MYRIP: variants seen among roughly 807,000 people sequenced by gnomAD.
MYRIP encodes rab effector MyRIP.
A neutral mutation model predicts 98.0 loss-of-function variants in MYRIP; 49 were observed. The ratio of observed to expected loss-of-function variants is 0.50; its 90% CI spans 0.40 to 0.63. MYRIP has a LOEUF of 0.63. Ranked by LOEUF, MYRIP falls within the 30% of genes least tolerant of loss-of-function variation. The pLI is 0.00. For synonymous variants in MYRIP, 404 were observed against 409.5 expected (o/e 0.99, Z 0.16); for missense variants, 1,004 against 1,058.2 (o/e 0.95, Z 0.71).
In MYRIP at chr3:39,985,859, A is replaced by G. The variant is rs976291327; in HGVS notation, c.111-58191A>G. 2.2e-4 allele frequency among the ~76,000 whole-genome samples: 33 copies of G among 151,770 alleles called. 1 individual carries two copies. Among genetic ancestry groups the G allele is most frequent in the African/African-American group, 8.0e-4 (33 of 41,072 alleles). ...AGACCTAAAACCATAAAAACCCTAG[A>G]AGAAAACCTAGGCATTACCATTCAG... On this transcript the variant is annotated intron_variant, in intron 2 of 16. Transcript: ENST00000302541.
chr3:40,118,759 C>T (rs968857597), intron 3 of MYRIP, among the ~76,000 whole-genome samples: 9 of 151,936 alleles, frequency 5.9e-5, no homozygotes, highest in East Asian at 1.9e-4. Context: ...CCCCTCCTCC[C>T]GCCCCACAAC....
intron 2 of MYRIP, among the ~76,000 whole-genome samples, chr3:39,911,799 G>T (rs890108524): frequency 6.6e-6 from 1 of 152,176 alleles, no homozygotes; most frequent in African/African-American, 2.4e-5. Flanking sequence ...CAACTTACTT[G>T]TTCTCACAGG....
chr3:40,177,589 C>A (rs556274442), intron 8 of MYRIP, among the ~76,000 whole-genome samples: 2 of 152,302 alleles, frequency 1.3e-5, no homozygotes, highest in South Asian at 4.1e-4. Context: ...AGGTTCAGTG[C>A]GAATGCTCCA....
At chr3:40,228,088 A>G (rs1235042354) in intron 11 of MYRIP, among the ~76,000 whole-genome samples, 4 of 152,142 alleles carry the variant, frequency 2.6e-5, no homozygotes, top group Non-Finnish European at 5.9e-5. Context: ...GGGATCTGCC[A>G]TGTATTCATG....
intron 2 of MYRIP, among the ~76,000 whole-genome samples, chr3:39,957,590 C>G (rs1945201296): frequency 6.6e-6 from 1 of 152,122 alleles, no homozygotes; most frequent in Admixed American, 6.6e-5. Context: ...AGGGCAAAAA[C>G]TGGAAGCATT....
intron 3 of MYRIP, among the ~76,000 whole-genome samples, chr3:40,048,983 T>C (rs1409101396): frequency 1.3e-5 from 2 of 152,198 alleles, no homozygotes; most frequent in Admixed American, 6.5e-5. Context: ...TAAAGACATA[T>C]AGTACTTGTA....
At chr3:40,098,740 T>TTGTGCGTGTGTGTGTG (rs746213546) in intron 3 of MYRIP, among the ~76,000 whole-genome samples, 16 of 135,188 alleles carry the variant, frequency 1.2e-4, no homozygotes, top group Non-Finnish European at 2.2e-4. Context: ...GTCTCTCTCA[T>TTGTGCGTGTGTGTGTG]TGTGTGTGTG....
At chr3:39,847,009 T>A (rs1941984280) in intron 1 of MYRIP, among the ~76,000 whole-genome samples, 1 of 152,170 alleles carries the variant, frequency 6.6e-6, no homozygotes, top group Non-Finnish European at 1.5e-5. Flanking sequence ...CTGAGTTAGG[T>A]TGATTCACAT....
chr3:39,871,981 C>A (rs1225977568), intron 1 of MYRIP, among the ~76,000 whole-genome samples: 2 of 151,994 alleles, frequency 1.3e-5, no homozygotes, highest in Non-Finnish European at 2.9e-5. Flanking sequence ...AGCTGTCACA[C>A]ACCATAGATG....
intron 10 of MYRIP, among the ~76,000 whole-genome samples, chr3:40,204,783 C>T (rs1231535423): frequency 6.6e-6 from 1 of 152,108 alleles, no homozygotes; most frequent in African/African-American, 2.4e-5. Context: ...TAGATGGTGT[C>T]CTCTGGGTCC....
intron 9 of MYRIP, 128 bp from the exon 10 acceptor site, chr3:40,189,698 G>T (rs1951146128): frequency 9.9e-7 from 1 of 1,006,018 alleles, no homozygotes; most frequent in South Asian, 1.6e-5. Flanking sequence ...GCCTTCCTGG[G>T]CTTCCTAAAG....
chr3:40,022,497 A>C (rs1331892986), intron 2 of MYRIP, among the ~76,000 whole-genome samples: 1 of 152,196 alleles, frequency 6.6e-6, no homozygotes, highest in Non-Finnish European at 1.5e-5. Context: ...TTTACAGCTC[A>C]AGGGATCAGC....
intron 8 of MYRIP, among the ~76,000 whole-genome samples, chr3:40,171,782 G>A (rs1423816846): frequency 6.6e-6 from 1 of 152,252 alleles, no homozygotes; most frequent in Non-Finnish European, 1.5e-5. Flanking sequence ...TCCACTATGT[G>A]CAAGGCACTG....
intron 1 of MYRIP, among the ~76,000 whole-genome samples, chr3:39,874,472 T>A (rs1575328901): frequency 6.6e-6 from 1 of 152,142 alleles, no homozygotes; most frequent in African/African-American, 2.4e-5. Flanking sequence ...ATATTGGCTG[T>A]GGGTTTGTCA....
chr3:39,838,296 AG>A, intron 1 of MYRIP, among the ~76,000 whole-genome samples: 1 of 152,208 alleles, frequency 6.6e-6, no homozygotes, highest in Non-Finnish European at 1.5e-5. Flanking sequence ...CGGTTTTCAA[AG>A]GGAATGCTTC....
At chr3:39,851,220 ATGTG>A (rs2125606121) in intron 1 of MYRIP, among the ~76,000 whole-genome samples, 1 of 149,060 alleles carries the variant, frequency 6.7e-6, no homozygotes, top group Non-Finnish European at 1.5e-5. Context: ...GTATGTATGT[ATGTG>A]TGTGATTTCA....
At chr3:39,853,631 A>C (rs1030664909) in intron 1 of MYRIP, among the ~76,000 whole-genome samples, 2 of 151,958 alleles carry the variant, frequency 1.3e-5, no homozygotes, top group Admixed American at 1.3e-4. Flanking sequence ...GACTTGTTTG[A>C]GTTCCTTGTG....
At chr3:39,985,973 T>G (rs1206166973) in intron 2 of MYRIP, among the ~76,000 whole-genome samples, 2 of 152,030 alleles carry the variant, frequency 1.3e-5, no homozygotes, top group Non-Finnish European at 2.9e-5. Context: ...CTAATTAAAC[T>G]AAAGAGCTTC....
rs372223962 is a variant in MYRIP, at chr3:39,812,222, G to A, written c.-31+2306G>A. Reference sequence around the variant, plus strand: ...CTACAGGCACTATCCTCCAAGGGTAGCCATCATCCTGCTTAGTTTTATCAG... The same window carrying A: ...CTACAGGCACTATCCTCCAAGGGTAACCATCATCCTGCTTAGTTTTATCAG... On this transcript the variant is annotated intron_variant, in intron 1 of 16. Transcript: ENST00000302541. Among the ~76,000 whole-genome samples, 24 of 152,204 alleles carry A rather than the reference G, an allele frequency of 1.6e-4. No homozygotes were observed. The East Asian group carries it at 3.3e-3, about 21-fold the overall frequency.
Sources: gnomAD v4.1 joint callset for allele counts (sites outside exome capture counted in the v4.1 genomes callset) on GRCh38, gnomAD v4.1.1 for gene constraint, MANE v1.5 for transcripts, NCBI Gene and HGNC (gene_info 2026-07-23, HGNC 2026-07-21) for gene names.